PRCC: variants seen among roughly 807,000 people sequenced by gnomAD.
PRCC encodes the protein proline rich mitotic checkpoint control factor, also known as proline-rich protein PRCC.
In PRCC, 10 loss-of-function variants were observed where a neutral mutation model predicts 44.0. The ratio of observed to expected loss-of-function variants is 0.23; its 90% CI spans 0.14 to 0.39. PRCC has a LOEUF of 0.39. Ranked by LOEUF, PRCC falls within the 10% of genes least tolerant of loss-of-function variation. PRCC has a pLI of 1.00. For missense variants in PRCC, 573 were observed against 624.7 expected (o/e 0.92, Z 0.88); for synonymous variants, 278 against 259.5 (o/e 1.07, Z -0.69).
intron 3 of PRCC, chr1:156,791,258 A>G: frequency 1.2e-6 from 1 of 866,536 alleles, no homozygotes; most frequent in Non-Finnish European, 1.8e-6. Flanking sequence ...CACAGGACCA[A>G]ACTAGAATGA....
At chr1:156,795,231 C>CCCTCCTTT (rs1429379930) in intron 5 of PRCC, among the ~76,000 whole-genome samples, 5 of 148,578 alleles carry the variant, frequency 3.4e-5, no homozygotes, top group East Asian at 2.0e-4. Context: ...TTCCCTCCCT[C>CCCTCCTTT]CCTCCTTTCC....
chr1:156,791,114 A>G (rs1165466678), intron 3 of PRCC: 2 of 1,418,474 alleles, frequency 1.4e-6, no homozygotes, highest in African/African-American at 2.9e-5. Context: ...GAATCATGAG[A>G]TTCCTGAACT....
chr1:156,787,410 A>G (rs1193328485), intron 3 of PRCC, among the ~76,000 whole-genome samples: 1 of 148,104 alleles, frequency 6.8e-6, no homozygotes, highest in Non-Finnish European at 1.5e-5. Flanking sequence ...CAATCTATTT[A>G]TTTTTTATTG....
chr1:156,769,825 C>T (rs1420672614), intron 1 of PRCC, among the ~76,000 whole-genome samples: 12 of 152,148 alleles, frequency 7.9e-5, no homozygotes, highest in East Asian at 1.9e-4. Flanking sequence ...TGGTCTCGAT[C>T]TCCTGACCTC....
At position 156,768,251 on chromosome 1, in the gene PRCC, G is replaced by C. The variant is rs1399915599; in HGVS notation, c.468+12G>C. 1 of 1,538,358 alleles carries C rather than the reference G, an allele frequency of 6.5e-7. No homozygotes were observed. Among genetic ancestry groups the C allele is most frequent in the Non-Finnish European group, 8.7e-7 (1 of 1,146,652 alleles). ...TGCATAAGGGAGATGTGAGTATCCG[G>C]GGAAGGCACCCCCAAACTGTCCATC... On this transcript the variant is annotated intron_variant, in intron 1 of 6. Transcript: ENST00000271526.
intron 2 of PRCC, among the ~76,000 whole-genome samples, chr1:156,784,861 G>A (rs969494418): frequency 6.6e-6 from 1 of 152,130 alleles, no homozygotes; most frequent in African/African-American, 2.4e-5. Flanking sequence ...GATTCTTTTG[G>A]GTAATAGGAA....
intron 3 of PRCC, among the ~76,000 whole-genome samples, chr1:156,789,418 A>G (rs1380991373): frequency 3.3e-5 from 5 of 152,226 alleles, no homozygotes; most frequent in Non-Finnish European, 5.9e-5. Context: ...GAGGACTGGT[A>G]TCTAATCTTA....
intron 4 of PRCC, among the ~76,000 whole-genome samples, chr1:156,794,045 C>T (rs1248229000): frequency 1.3e-5 from 2 of 149,854 alleles, no homozygotes; most frequent in African/African-American, 2.5e-5. Flanking sequence ...GCAACCTCTG[C>T]CTCCTGGTTT....
intron 4 of PRCC, among the ~76,000 whole-genome samples, chr1:156,793,271 A>T (rs1023935287): frequency 1.1e-4 from 17 of 152,204 alleles, no homozygotes; most frequent in Non-Finnish European, 1.6e-4. Flanking sequence ...CTGAGAACCC[A>T]GTTAGTGGCA....
At chr1:156,797,702 CA>C (rs1241955155) in intron 6 of PRCC, among the ~76,000 whole-genome samples, 1 of 152,082 alleles carries the variant, frequency 6.6e-6, no homozygotes, top group Non-Finnish European at 1.5e-5. Flanking sequence ...GTTGATTCAC[CA>C]ACTTAGCCAA....
At chr1:156,786,567 G>A in intron 2 of PRCC, 41 bp from the exon 3 acceptor site, 2 of 1,557,894 alleles carry the variant, frequency 1.3e-6, no homozygotes, top group East Asian at 2.3e-5. Flanking sequence ...AATCTCACTT[G>A]TCATCTTTCT....
At chr1:156,788,970 T>G (rs1301332709) in intron 3 of PRCC, among the ~76,000 whole-genome samples, 2 of 151,152 alleles carry the variant, frequency 1.3e-5, no homozygotes, top group Non-Finnish European at 2.9e-5. Context: ...CCTGCCTATT[T>G]TTTATTTTTT....
In PRCC at chr1:156,795,285, G is replaced by GTTTTTTTTTTTTTTTTTTT. The variant is rs35911411; in HGVS notation, c.1323+483_1323+501dup. Among the ~76,000 whole-genome samples, 32 of 36,060 alleles carry GTTTTTTTTTTTTTTTTTTT rather than the reference G, an allele frequency of 8.9e-4. 6 individuals are homozygous for GTTTTTTTTTTTTTTTTTTT. Among genetic ancestry groups the GTTTTTTTTTTTTTTTTTTT allele is most frequent in the African/African-American group, 2.6e-3 (19 of 7,174 alleles). 23.7% of individuals were successfully genotyped at this position (36,060 alleles called of 152,430 possible). On this transcript the variant is annotated intron_variant, in intron 5 of 6. Transcript: ENST00000271526. ...CTTCCAATTGTTTTCATTTTCTGGTGTTTTTTTTTTTTTTTTTTTTTTTTC... is the reference window on the plus strand; with the variant it reads ...CTTCCAATTGTTTTCATTTTCTGGTGTTTTTTTTTTTTTTTTTTTTTTTTTTTTTTTTTTTTTTTTTTTC...
chr1:156,794,882 G>T, intron 5 of PRCC, 74 bp downstream of exon 5: 1 of 1,571,674 alleles, frequency 6.4e-7, no homozygotes, highest in South Asian at 1.1e-5. Flanking sequence ...TCCCCGTCTT[G>T]ACCCCACACC....
Position 156,768,011 on chromosome 1 carries a change from TC to T in PRCC, c.246del (p.Leu83CysfsTer14). ...CCGGAGACCCCAGGCTTCAGCCTCC[TC>T]CCCCCTTGCCCTTCGGCCTGGGAGG... ...PTGDPRLQPP[P>X]PLPFGLGGFP... On this transcript the variant is annotated frameshift_variant, in exon 1 of 7. Coordinates refer to ENST00000271526, the MANE Select transcript of PRCC (RefSeq NM_005973.5). LOFTEE classifies it high-confidence loss of function. 1 of 1,489,360 alleles carries T rather than the reference TC, an allele frequency of 6.7e-7. No homozygotes were observed. The highest frequency in any genetic ancestry group is 9.0e-7 in the Non-Finnish European group (1 of 1,106,144). 92.3% of individuals were successfully genotyped at this position (1,489,360 alleles called of 1,614,324 possible). A position where few individuals can be genotyped will look rare whatever the true frequency, so the allele number is the denominator to read the frequency against.
chr1:156,767,612 T>C lies in PRCC; in HGVS notation c.-160T>C, dbSNP rs1349104791. The stretch of plus-strand genomic sequence containing the variant: ...CGCCTTGTTCGGTGGAAATCAGCCG[T>C]AGCCATGAGTTTCTGCCGGGGCTAG... On this transcript the variant is annotated 5_prime_UTR_variant, in exon 1 of 7. Coordinates refer to ENST00000271526, the MANE Select transcript of PRCC (RefSeq NM_005973.5). 1 of 688,180 alleles carries C rather than the reference T, an allele frequency of 1.5e-6. No individual in the cohort carries two copies. The highest frequency in any genetic ancestry group is 1.8e-5 in the African/African-American group (1 of 55,234). 42.6% of individuals were successfully genotyped at this position (688,180 alleles called of 1,614,324 possible).
intron 5 of PRCC, 71 bp from the exon 6 acceptor site, chr1:156,797,205 C>T: frequency 6.3e-7 from 1 of 1,593,694 alleles, no homozygotes; most frequent in Non-Finnish European, 8.6e-7. Flanking sequence ...CCTAACACCA[C>T]ACCATCTGGG....
chr1:156,791,078 A>G (rs774458782), intron 3 of PRCC: 2 of 1,407,290 alleles, frequency 1.4e-6, no homozygotes, highest in Admixed American at 1.9e-5. Flanking sequence ...GTCTGCAGCA[A>G]CATCTGGGCC....
intron 1 of PRCC, among the ~76,000 whole-genome samples, chr1:156,772,745 T>C (rs1394293782): frequency 1.3e-5 from 2 of 152,230 alleles, no homozygotes; most frequent in Non-Finnish European, 2.9e-5. Flanking sequence ...CAAATAAGAA[T>C]TGCCTGCAGT....
Sources: gnomAD v4.1 joint callset for allele counts (sites outside exome capture counted in the v4.1 genomes callset) on GRCh38, gnomAD v4.1.1 for gene constraint, MANE v1.5 for transcripts, NCBI Gene and HGNC (gene_info 2026-07-23, HGNC 2026-07-21) for gene names.